The following TRIM71 variants were observed in gnomAD, a reference collection of about 807,000 sequenced individuals.
TRIM71 encodes the protein tripartite motif containing 71.
TRIM71 carries 9 observed loss-of-function variants against 61.2 expected under a neutral mutation model. That is an observed-to-expected ratio of 0.15 (90% CI 0.09 to 0.26). The LOEUF (loss-of-function observed/expected upper bound fraction) is 0.26. Among genes scored for constraint, TRIM71 ranks in the 10% least tolerant of loss-of-function variants. The probability of loss-of-function intolerance (pLI) is 1.00; values close to 1 mark genes in which losing one functional copy is unlikely to be tolerated. For missense variants in TRIM71, 998 were observed against 1,238.7 expected, an observed-to-expected ratio of 0.81 and a Z score of 2.92; for synonymous variants, 645 against 553.2, an observed-to-expected ratio of 1.17 and a Z score of -2.33.
At chr3:32,846,914 A>G (rs1696482006) in intron 1 of TRIM71, among the ~76,000 whole-genome samples, 1 of 152,186 alleles carries the variant, frequency 6.6e-6, no homozygotes, top group Non-Finnish European at 1.5e-5. Context: ...TATATGGCAC[A>G]TTTTGCTGTC....
intron 1 of TRIM71, among the ~76,000 whole-genome samples, chr3:32,829,500 A>T (rs959919047): frequency 6.6e-6 from 1 of 152,084 alleles, no homozygotes; most frequent in Non-Finnish European, 1.5e-5. Context: ...TTTAAAGCCA[A>T]GATATTGTGT....
chr3:32,882,371 T>G (rs1339887928), intron 2 of TRIM71, among the ~76,000 whole-genome samples: 3 of 152,200 alleles, frequency 2.0e-5, no homozygotes, highest in Admixed American at 2.0e-4. Flanking sequence ...TGCTAATTAA[T>G]AACCAACACA....
intron 1 of TRIM71, among the ~76,000 whole-genome samples, chr3:32,847,340 G>T (rs1291996122): frequency 1.3e-5 from 2 of 152,074 alleles, no homozygotes; most frequent in Non-Finnish European, 2.9e-5. Context: ...GGGATTACAG[G>T]CACGTGCCAC....
intron 1 of TRIM71, among the ~76,000 whole-genome samples, chr3:32,856,142 G>A (rs928321425): frequency 2.3e-4 from 35 of 152,110 alleles, no homozygotes; most frequent in East Asian, 5.8e-4. Flanking sequence ...CTCAGCCTCC[G>A]GAGTAGCTGG....
At position 32,868,829 on chromosome 3, in the gene TRIM71, G is replaced by A. The variant is rs116635189; in HGVS notation, c.853-4989G>A. The stretch of plus-strand genomic sequence containing the variant: ...AGAAAGGATAATGTGTCTGCAGCGG[G>A]GCTCTGTTGTCTTGAACTGGTGAGG... On this transcript the variant is annotated intron_variant, in intron 1 of 3. Coordinates refer to ENST00000383763, the MANE Select transcript of TRIM71 (RefSeq NM_001039111.3). Among the ~76,000 whole-genome samples the A allele has an allele frequency of 9.2e-3, 1,402 of 152,122 alleles. 26 individuals are homozygous for A. Among genetic ancestry groups the A allele is most frequent in the African/African-American group, 0.032 (1,327 of 41,500 alleles).
At chr3:32,880,167 C>T (rs1361873997) in intron 2 of TRIM71, among the ~76,000 whole-genome samples, 1 of 151,610 alleles carries the variant, frequency 6.6e-6, no homozygotes, top group Non-Finnish European at 1.5e-5. Context: ...CTGGGATTAC[C>T]GGCCTGTACC....
rs10630076 is a variant in TRIM71, at chr3:32,891,852, G to GTCTC, written c.*59_*62dup. On this transcript the variant is annotated 3_prime_UTR_variant, in exon 4 of 4. Coordinates refer to ENST00000383763, the MANE Select transcript of TRIM71 (RefSeq NM_001039111.3). This position sits in a 1 kb window ranked among gnomAD's most constrained non-coding sequence, Gnocchi z 8.2. ...TTCTGTGTTTGGGGTGTGTGTGCGTGTCTCTCTCTCTCTCTCTCTCTTTCT... is the reference window on the plus strand; with the variant it reads ...TTCTGTGTTTGGGGTGTGTGTGCGTGTCTCTCTCTCTCTCTCTCTCTCTCTTTCT... 78,354 of 1,436,956 alleles carry GTCTC rather than the reference G, an allele frequency of 0.055. 439 individuals are homozygous for GTCTC. The highest frequency in any genetic ancestry group is 0.061 in the Non-Finnish European group (64,871 of 1,062,500). The allele number at this position is 1,436,956 out of a possible 1,614,324, so 89.0% of individuals were successfully genotyped here.
At chr3:32,820,803 C>T (rs961319839) in intron 1 of TRIM71, among the ~76,000 whole-genome samples, 3 of 152,200 alleles carry the variant, frequency 2.0e-5, no homozygotes, top group Non-Finnish European at 4.4e-5. Flanking sequence ...TCCACTCACC[C>T]TGGGAGGTAC....
intron 1 of TRIM71, among the ~76,000 whole-genome samples, chr3:32,833,072 G>C (rs1274134317): frequency 1.3e-5 from 2 of 151,134 alleles, no homozygotes; most frequent in African/African-American, 4.9e-5. Flanking sequence ...CTACTCGGGA[G>C]GCTGAGGCAG....
At chr3:32,861,298 T>A (rs1275942461) in intron 1 of TRIM71, among the ~76,000 whole-genome samples, 1 of 151,114 alleles carries the variant, frequency 6.6e-6, no homozygotes, top group Non-Finnish European at 1.5e-5. Flanking sequence ...TGCCTCAGCC[T>A]CCTGAGTAGC....
At chr3:32,855,744 A>C (rs1441532598) in intron 1 of TRIM71, among the ~76,000 whole-genome samples, 1 of 152,152 alleles carries the variant, frequency 6.6e-6, no homozygotes, top group Admixed American at 6.5e-5. Flanking sequence ...GAGAGACCCC[A>C]GTATAAGCTG....
At position 32,832,124 on chromosome 3, in the gene TRIM71, A is replaced by G. The variant is rs148035537; in HGVS notation, c.852+13192A>G. Among the ~76,000 whole-genome samples, 535 of 152,304 alleles carry G rather than the reference A, an allele frequency of 3.5e-3. 6 individuals carry two copies. Among genetic ancestry groups the G allele is most frequent in the African/African-American group, 0.012 (482 of 41,554 alleles). On this transcript the variant is annotated intron_variant, in intron 1 of 3. Transcript: ENST00000383763. ...GTGGGGGGGGATTCTCTACTTCCCT[A>G]TATGGCCACTTTATATGTGGTCTTA...
chr3:32,871,940 G>A (rs1041996743), intron 1 of TRIM71, among the ~76,000 whole-genome samples: 1 of 152,298 alleles, frequency 6.6e-6, no homozygotes, highest in East Asian at 1.9e-4. Context: ...TCAGAAGATC[G>A]AGACCATCCT....
Position 32,818,030 on chromosome 3 carries a change from T to G in TRIM71, c.-51T>G. The G allele has an allele frequency of 6.4e-7, 1 of 1,568,168 alleles. No homozygotes were observed. The highest frequency in any genetic ancestry group is 8.7e-7 in the Non-Finnish European group (1 of 1,143,848). ...ACCCACCTCGTCCGCTCTCTCCTCCTCCTCCTCCTCTTCCTCTCTGGTCTC... is the reference window on the plus strand; with the variant it reads ...ACCCACCTCGTCCGCTCTCTCCTCCGCCTCCTCCTCTTCCTCTCTGGTCTC... On this transcript the variant is annotated 5_prime_UTR_variant, in exon 1 of 4. Transcript: ENST00000383763.
chr3:32,823,828 C>T (rs1696168043), intron 1 of TRIM71, among the ~76,000 whole-genome samples: 1 of 150,674 alleles, frequency 6.6e-6, no homozygotes, highest in South Asian at 2.1e-4. Context: ...GCCACCGCGC[C>T]TTTGGGAGGC....
At chr3:32,841,508 CA>C (rs999009945) in intron 1 of TRIM71, among the ~76,000 whole-genome samples, 18 of 151,136 alleles carry the variant, frequency 1.2e-4, no homozygotes, top group African/African-American at 4.4e-4. Context: ...CCTGTCTCTA[CA>C]AAAAAAATAC....
chr3:32,855,393 C>T (rs1215508522), intron 1 of TRIM71, among the ~76,000 whole-genome samples: 1 of 151,958 alleles, frequency 6.6e-6, no homozygotes, highest in Admixed American at 6.6e-5. Context: ...GGCTTTCAGG[C>T]AGAGGGAATA....
intron 1 of TRIM71, among the ~76,000 whole-genome samples, chr3:32,827,989 T>A (rs570327985): frequency 5.9e-5 from 9 of 152,216 alleles, no homozygotes; most frequent in Non-Finnish European, 1.3e-4. Context: ...AATGCTGTTG[T>A]ATAAAAAATC....
chr3:32,831,073 C>G (rs1696265501), intron 1 of TRIM71, among the ~76,000 whole-genome samples: 1 of 152,120 alleles, frequency 6.6e-6, no homozygotes, highest in African/African-American at 2.4e-5. Context: ...GTTGGGATTA[C>G]AGGCGTGAGC....
Sources: gnomAD v4.1 joint callset for allele counts (sites outside exome capture counted in the v4.1 genomes callset) on GRCh38, gnomAD v4.1.1 for gene constraint, Gnocchi (gnomAD v3.1) non-coding constraint, MANE v1.5 for transcripts, NCBI Gene and HGNC (gene_info 2026-07-23, HGNC 2026-07-21) for gene names.